Variants in LSM12 observed in about 807,000 individuals in gnomAD.
LSM12 encodes protein LSM12.
For missense variants in LSM12, 108 were observed against 238.9 expected (o/e 0.45, Z 3.61); for synonymous variants, 74 against 87.3 (o/e 0.85, Z 0.85).
intron 2 of LSM12, among the ~76,000 whole-genome samples, chr17:44,058,603 C>A (rs974015588): frequency 2.0e-5 from 3 of 151,966 alleles, no homozygotes; most frequent in African/African-American, 7.3e-5. Context: ...GAGGCCAAGG[C>A]GGGTGGATCA....
intron 1 of LSM12, 104 bp downstream of exon 1, chr17:44,066,360 C>A: frequency 1.3e-5 from 18 of 1,435,332 alleles, no homozygotes; most frequent in Non-Finnish European, 1.7e-5. Context: ...TAGCCGGTCG[C>A]CCCTAGGCCC....
chr17:44,057,440 G>T (rs998430190), intron 2 of LSM12, among the ~76,000 whole-genome samples: 4 of 150,766 alleles, frequency 2.7e-5, no homozygotes, highest in African/African-American at 4.9e-5. Flanking sequence ...GAGCCACCGT[G>T]CCTGGGTGAG....
rs1298457824 is a variant in LSM12 at position 44,066,630 on chromosome 17, G to C, written c.-43C>G. On this transcript the variant is annotated 5_prime_UTR_variant, in exon 1 of 5. Transcript: ENST00000293406. ...GGCCGGCGGCGGCGGCGGCAGCAGC[G>C]GGCGAAAGCCGGGCCCCCAGTGAGC... 7 of 1,307,982 alleles carry C rather than the reference G, an allele frequency of 5.4e-6. No individual in the cohort carries two copies. Among genetic ancestry groups the C allele is most frequent in the African/African-American group, 1.6e-5 (1 of 64,442 alleles). The allele number at this position is 1,307,982 out of a possible 1,614,324, so 81.0% of individuals were successfully genotyped here.
chr17:44,044,552 CA>C (rs1354669836), intron 2 of LSM12, among the ~76,000 whole-genome samples: 1 of 152,210 alleles, frequency 6.6e-6, no homozygotes, highest in Non-Finnish European at 1.5e-5. Context: ...ACTCAACCTA[CA>C]GTAATGCTTT....
intron 2 of LSM12, among the ~76,000 whole-genome samples, chr17:44,042,172 G>A (rs1456363637): frequency 6.6e-6 from 1 of 151,844 alleles, no homozygotes; most frequent in Admixed American, 6.6e-5. Context: ...CTGTAATCCC[G>A]CCTACTCAGG....
At chr17:44,038,353 C>T (rs910407564) in intron 3 of LSM12, among the ~76,000 whole-genome samples, 4 of 140,070 alleles carry the variant, frequency 2.9e-5, no homozygotes, top group East Asian at 2.0e-4. Context: ...GAGACCCTGT[C>T]TCAAAAAAAA....
intron 2 of LSM12, chr17:44,040,465 T>G: frequency 2.1e-6 from 1 of 481,826 alleles, no homozygotes; most frequent in Non-Finnish European, 3.8e-6. Context: ...TCCTTCCTTC[T>G]AATACTTACT....
chr17:44,045,973 G>C (rs1260578091), intron 2 of LSM12, among the ~76,000 whole-genome samples: 1 of 119,996 alleles, frequency 8.3e-6, no homozygotes, highest in Non-Finnish European at 1.6e-5. Flanking sequence ...GTCTCGCTCT[G>C]TCTCCCAGGT....
At chr17:44,053,096 T>C (rs1445373899) in intron 2 of LSM12, among the ~76,000 whole-genome samples, 1 of 152,156 alleles carries the variant, frequency 6.6e-6, no homozygotes, top group Non-Finnish European at 1.5e-5. Flanking sequence ...TCCCTTTCTC[T>C]GAATAATTGC....
intron 2 of LSM12, among the ~76,000 whole-genome samples, chr17:44,043,102 AAGG>A (rs1387692918): frequency 6.6e-6 from 1 of 152,240 alleles, no homozygotes; most frequent in Admixed American, 6.5e-5. Context: ...TATGAAAAAA[AAGG>A]AGGCCTTCAA....
intron 2 of LSM12, among the ~76,000 whole-genome samples, chr17:44,053,420 C>T (rs898809187): frequency 1.3e-5 from 2 of 152,162 alleles, no homozygotes; most frequent in Non-Finnish European, 2.9e-5. Flanking sequence ...GTACCTTGGA[C>T]ATATGACCAC....
intron 2 of LSM12, among the ~76,000 whole-genome samples, chr17:44,051,290 C>A (rs1360227571): frequency 2.7e-5 from 4 of 150,256 alleles, no homozygotes; most frequent in Admixed American, 1.3e-4. Context: ...CCAGCTACTG[C>A]TGAGGCAGGA....
chr17:44,050,375 G>GT (rs2049627014), intron 2 of LSM12, among the ~76,000 whole-genome samples: 1 of 151,842 alleles, frequency 6.6e-6, no homozygotes, highest in Admixed American at 6.6e-5. Context: ...CTCCCAAAGT[G>GT]TTGGGGTTAC....
chr17:44,052,168 C>T (rs1023404361), intron 2 of LSM12, among the ~76,000 whole-genome samples: 1 of 151,054 alleles, frequency 6.6e-6, no homozygotes, highest in Admixed American at 6.6e-5. Context: ...CCAAGGAGGT[C>T]GAGGCTGCAG....
intron 2 of LSM12, among the ~76,000 whole-genome samples, chr17:44,056,034 G>A (rs550505990): frequency 3.3e-5 from 5 of 151,858 alleles, no homozygotes; most frequent in South Asian, 2.1e-4. Context: ...TTGGGAAGCC[G>A]AGGTGGGTGG....
At chr17:44,038,125 G>T (rs2049439078) in intron 3 of LSM12, among the ~76,000 whole-genome samples, 1 of 152,088 alleles carries the variant, frequency 6.6e-6, no homozygotes, top group African/African-American at 2.4e-5. Flanking sequence ...GAGGTGGGTA[G>T]ATTGCTTGAG....
chr17:44,051,435 G>T (rs372821732), intron 2 of LSM12, among the ~76,000 whole-genome samples: 3 of 150,826 alleles, frequency 2.0e-5, no homozygotes, highest in Non-Finnish European at 4.4e-5. Context: ...GTGTGGTGGC[G>T]CACTCCTGTG....
At chr17:44,044,460 A>G (rs1392308755) in intron 2 of LSM12, among the ~76,000 whole-genome samples, 4 of 152,200 alleles carry the variant, frequency 2.6e-5, no homozygotes, top group Non-Finnish European at 5.9e-5. Context: ...CCCAAATGCT[A>G]AATGATGTAA....
chr17:44,056,703 A>G (rs73306681), intron 2 of LSM12, among the ~76,000 whole-genome samples: 1,887 of 151,838 alleles, frequency 0.012, 37 homozygotes, highest in African/African-American at 0.043. Context: ...AAAAAAAGAA[A>G]AAAAAAAAAT....
Sources: gnomAD v4.1 joint callset for allele counts (sites outside exome capture counted in the v4.1 genomes callset) on GRCh38, gnomAD v4.1.1 for gene constraint, MANE v1.5 for transcripts, NCBI Gene and HGNC (gene_info 2026-07-23, HGNC 2026-07-21) for gene names.